Variants in ST8SIA6 observed in about 807,000 individuals in gnomAD.
ST8SIA6 encodes ST8 alpha-N-acetyl-neuraminide alpha-2,8-sialyltransferase 6.
Under a neutral mutation model 33.6 loss-of-function variants are expected in ST8SIA6, and 39 were observed. That is an observed-to-expected ratio of 1.16 (90% confidence interval 0.90 to 1.52). ST8SIA6 has a LOEUF of 1.52. Among genes scored for constraint, ST8SIA6 ranks in the 40% most tolerant of loss-of-function variants. The pLI, the probability that ST8SIA6 is intolerant of heterozygous loss-of-function variation, is 0.00. For synonymous variants in ST8SIA6, 172 were observed against 167.2 expected, an observed-to-expected ratio of 1.03 and a Z score of -0.22; for missense variants, 441 against 443.8, an observed-to-expected ratio of 0.99 and a Z score of 0.06.
chr10:17,341,264 G>T (rs1564409806), intron 4 of ST8SIA6, among the ~76,000 whole-genome samples: 1 of 152,184 alleles, frequency 6.6e-6, no homozygotes, highest in Non-Finnish European at 1.5e-5. Flanking sequence ...TGTTGTGGAA[G>T]CTTACTTTCA....
At chr10:17,397,608 G>A (rs529769231) in intron 2 of ST8SIA6, among the ~76,000 whole-genome samples, 14 of 152,088 alleles carry the variant, frequency 9.2e-5, no homozygotes, top group African/African-American at 1.4e-4. Context: ...GATGTGCTCC[G>A]TACTCCTTAT....
At position 17,323,079 on chromosome 10, in the gene ST8SIA6, G is replaced by A; in HGVS notation, c.714C>T (p.Ser238=). ...SKTNLVTINP[S]IITLKYGNLK... Reference sequence around the variant, plus strand: ...CAGCTACTTACTTCAGAGTTATGATGCTTGGATTTATAGTCACAAGATTTG... The same window carrying A: ...CAGCTACTTACTTCAGAGTTATGATACTTGGATTTATAGTCACAAGATTTG... Residue 238 remains serine, a synonymous_variant, in exon 7 of 8, where the codon AGC becomes AGT. Transcript: ENST00000377602. The A allele has an allele frequency of 6.2e-6, 10 of 1,613,064 alleles. No individual in the cohort carries two copies. Among genetic ancestry groups the A allele is most frequent in the Non-Finnish European group, 8.5e-6 (10 of 1,179,352 alleles).
chr10:17,371,782 T>TAAAAAAAAAAAAA (rs202019274), intron 3 of ST8SIA6, among the ~76,000 whole-genome samples: 1 of 89,544 alleles, frequency 1.1e-5, no homozygotes. Flanking sequence ...CAAGACTCCA[T>TAAAAAAAAAAAAA]TAAAAAAAAA....
Position 17,377,711 on chromosome 10 carries a change from C to T in ST8SIA6, c.290+12820G>A, listed in dbSNP as rs776087306. Reference sequence around the variant, plus strand: ...AGCACTTTTCCCTCCCACTATAACTCCATCTTTCTAAATCCTATTTTAGCA... The same window carrying T: ...AGCACTTTTCCCTCCCACTATAACTTCATCTTTCTAAATCCTATTTTAGCA... On this transcript the variant is annotated intron_variant, in intron 3 of 7. Coordinates refer to ENST00000377602, the MANE Select transcript of ST8SIA6 (RefSeq NM_001004470.3). 3.9e-5 allele frequency among the ~76,000 whole-genome samples: 6 copies of T among 152,328 alleles called. No homozygotes were observed. The South Asian group carries it at 1.2e-3, about 32-fold the overall frequency.
At chr10:17,442,762 C>T (rs1421813728) in intron 2 of ST8SIA6, among the ~76,000 whole-genome samples, 5 of 152,148 alleles carry the variant, frequency 3.3e-5, no homozygotes, top group Admixed American at 3.3e-4. Context: ...TTAAATCATC[C>T]TCTTCCAATT....
intron 2 of ST8SIA6, among the ~76,000 whole-genome samples, chr10:17,413,825 C>T (rs974835188): frequency 2.2e-4 from 33 of 152,204 alleles, no homozygotes; most frequent in African/African-American, 8.0e-4. Flanking sequence ...TACTGTAAGA[C>T]TGATAACTCA....
At chr10:17,401,131 C>A (rs536970867) in intron 2 of ST8SIA6, among the ~76,000 whole-genome samples, 1 of 151,976 alleles carries the variant, frequency 6.6e-6, no homozygotes, top group East Asian at 1.9e-4. Flanking sequence ...TCTTATACAC[C>A]AATAACAGAC....
intron 4 of ST8SIA6, among the ~76,000 whole-genome samples, chr10:17,343,728 A>G (rs570278579): frequency 2.4e-4 from 37 of 152,322 alleles, no homozygotes; most frequent in Admixed American, 8.5e-4. Context: ...ACAGATAGAA[A>G]TGCAAACACG....
chr10:17,374,764 T>TATATATATATATATATATATACACAC (rs1441288579), intron 3 of ST8SIA6, among the ~76,000 whole-genome samples: 26 of 126,834 alleles, frequency 2.0e-4, no homozygotes, highest in East Asian at 3.1e-4. Context: ...TATATATATA[T>TATATATATATATATATATATACACAC]ATATTTAGCT....
chr10:17,406,628 A>G (rs775841587), intron 2 of ST8SIA6, among the ~76,000 whole-genome samples: 2 of 152,108 alleles, frequency 1.3e-5, no homozygotes, highest in African/African-American at 4.8e-5. Flanking sequence ...TTCATAGTCT[A>G]TACAGCGGCG....
Position 17,379,699 on chromosome 10 carries a change from A to C in ST8SIA6, c.290+10832T>G, listed in dbSNP as rs1361582830. On this transcript the variant is annotated intron_variant, in intron 3 of 7. Coordinates refer to ENST00000377602, the MANE Select transcript of ST8SIA6 (RefSeq NM_001004470.3). ...TGCCCCACCTTTCCAGACCGAATCA[A>C]TGTACTTCTTATATTGATTGATGTC... Among the ~76,000 whole-genome samples, 3 of 152,176 alleles carry C rather than the reference A, an allele frequency of 2.0e-5. No homozygotes were observed. The East Asian group carries it at 5.8e-4, about 29-fold the overall frequency.
intron 7 of ST8SIA6, among the ~76,000 whole-genome samples, chr10:17,321,697 TA>T (rs1847954158): frequency 6.6e-6 from 1 of 152,242 alleles, no homozygotes; most frequent in African/African-American, 2.4e-5. Context: ...AATGATAAAA[TA>T]TTTTTTCAAG....
At chr10:17,412,438 A>G (rs1851482282) in intron 2 of ST8SIA6, among the ~76,000 whole-genome samples, 1 of 152,180 alleles carries the variant, frequency 6.6e-6, no homozygotes, top group African/African-American at 2.4e-5. Context: ...GGGGCTCCTG[A>G]AACCATACTA....
At chr10:17,391,343 G>C (rs1160792460) in intron 2 of ST8SIA6, among the ~76,000 whole-genome samples, 1 of 150,798 alleles carries the variant, frequency 6.6e-6, no homozygotes, top group African/African-American at 2.4e-5. Flanking sequence ...CTCACTGCAA[G>C]CTCCGCCTCC....
intron 2 of ST8SIA6, among the ~76,000 whole-genome samples, chr10:17,441,224 T>C (rs1195929498): frequency 6.6e-6 from 1 of 152,160 alleles, no homozygotes; most frequent in African/African-American, 2.4e-5. Flanking sequence ...CTTTTGGACA[T>C]TTTCTGTCTG....
At chr10:17,329,246 C>T (rs117226632) in intron 5 of ST8SIA6, among the ~76,000 whole-genome samples, 1 of 152,272 alleles carries the variant, frequency 6.6e-6, no homozygotes, top group East Asian at 1.9e-4. Context: ...TACACAGCAA[C>T]CTTTTGAGTA....
At chr10:17,437,887 T>C (rs763953306) in intron 2 of ST8SIA6, among the ~76,000 whole-genome samples, 2 of 152,060 alleles carry the variant, frequency 1.3e-5, no homozygotes, top group South Asian at 2.1e-4. Context: ...GGCACCACCA[T>C]GCCCAGCTAA....
At chr10:17,389,465 C>T (rs1035129027) in intron 3 of ST8SIA6, among the ~76,000 whole-genome samples, 1 of 152,152 alleles carries the variant, frequency 6.6e-6, no homozygotes, top group African/African-American at 2.4e-5. Flanking sequence ...CCCTGCCCAA[C>T]ACACACACAT....
intron 3 of ST8SIA6, among the ~76,000 whole-genome samples, chr10:17,364,046 T>A (rs1402907807): frequency 6.7e-6 from 1 of 149,146 alleles, no homozygotes; most frequent in Non-Finnish European, 1.5e-5. Flanking sequence ...AAAGATTACT[T>A]TATTACTACC....
Sources: allele counts gnomAD v4.1 joint callset (sites outside exome capture counted in the v4.1 genomes callset), GRCh38; gene constraint gnomAD v4.1.1; transcripts MANE v1.5; gene names NCBI Gene and HGNC (gene_info 2026-07-23, HGNC 2026-07-21).